The following TMTC4 variants were observed in gnomAD, a reference collection of about 807,000 sequenced individuals.
TMTC4 encodes the protein transmembrane O-mannosyltransferase targeting cadherins 4, also known as protein O-mannosyl-transferase TMTC4.
TMTC4 carries 65 observed loss-of-function variants against 86.0 expected under a neutral mutation model. That is an observed-to-expected ratio of 0.76 (90% CI 0.62 to 0.93). The LOEUF is 0.93. Among genes scored for constraint, TMTC4 ranks in the 40% least tolerant of loss-of-function variants. TMTC4 has a pLI of 0.00. For missense variants in TMTC4, 866 were observed against 948.1 expected (o/e 0.91, Z 1.14); for synonymous variants, 379 against 382.5 (o/e 0.99, Z 0.11).
rs1876289887 is a variant in TMTC4, at chr13:100,604,530, A to G, written c.*464T>C. ...ATGTTGTTTTAAAAAAAAGAGATAA[A>G]AAAACTTAATTTGCTTTGTCATTAA... On this transcript the variant is annotated 3_prime_UTR_variant, in exon 19 of 19. Coordinates refer to ENST00000342624, the MANE Select transcript of TMTC4 (RefSeq NM_032813.5). 6.6e-6 allele frequency: 1 copy of G among 152,334 alleles called. No individual in the cohort carries two copies. Among genetic ancestry groups the G allele is most frequent in the South Asian group, 2.1e-4 (1 of 4,840 alleles). The allele number at this position is 152,334 out of a possible 1,614,324, so 9.4% of individuals were successfully genotyped here. A position where few individuals can be genotyped will look rare whatever the true frequency, so the allele number is the denominator to read the frequency against.
In TMTC4 at chr13:100,617,311, A is replaced by AT. The variant is rs140898544; in HGVS notation, c.1837-2882dup. 5.2e-3 allele frequency among the ~76,000 whole-genome samples: 791 copies of AT among 151,692 alleles called. 5 individuals carry two copies. The highest frequency in any genetic ancestry group is 0.014 in the African/African-American group (568 of 41,374). On this transcript the variant is annotated intron_variant, in intron 15 of 18. Transcript: ENST00000342624. ...CACGATGCCCAGCTAATTTTTTTGG[A>AT]TTTTTTGTAGAGATTAAGTTTTGCC...
At chr13:100,660,013 A>G (rs1427798306) in intron 5 of TMTC4, among the ~76,000 whole-genome samples, 1 of 151,022 alleles carries the variant, frequency 6.6e-6, no homozygotes, top group Non-Finnish European at 1.5e-5. Flanking sequence ...CCTAAAACAT[A>G]TTAATATAAA....
chr13:100,663,225 G>T, intron 4 of TMTC4, 45 bp from the exon 5 acceptor site: 1 of 1,544,694 alleles, frequency 6.5e-7, no homozygotes. Context: ...AGCGGCATGC[G>T]GCAAGAAATG....
chr13:100,666,547 C>T (rs1037510263), intron 3 of TMTC4, among the ~76,000 whole-genome samples: 8 of 152,334 alleles, frequency 5.3e-5, no homozygotes, highest in Middle Eastern at 3.4e-3. Flanking sequence ...TCCTGGCTGA[C>T]CAACATTTTT....
upstream of TMTC4, chr13:100,674,850 A>G: frequency 2.1e-6 from 2 of 969,358 alleles, no homozygotes; most frequent in Non-Finnish European, 2.4e-6. Context: ...CCCGCCGCGC[A>G]CCCGACCCCC....
intron 2 of TMTC4, among the ~76,000 whole-genome samples, chr13:100,669,820 TG>T (rs1212801265): frequency 6.6e-6 from 1 of 152,150 alleles, no homozygotes; most frequent in Non-Finnish European, 1.5e-5. Flanking sequence ...GTGCTTTCTT[TG>T]GATTTACCAG....
intron 16 of TMTC4, 144 bp from the exon 17 acceptor site, chr13:100,612,654 TACAC>T (rs60782137): frequency 0.043 from 19,203 of 446,984 alleles, 251 homozygotes; most frequent in African/African-American, 0.063. Flanking sequence ...GATCATGTAA[TACAC>T]ACACACACAC....
intron 15 of TMTC4, among the ~76,000 whole-genome samples, chr13:100,617,085 G>A (rs1304746997): frequency 6.6e-6 from 1 of 151,876 alleles, no homozygotes; most frequent in Non-Finnish European, 1.5e-5. Flanking sequence ...TTCTTTCCCA[G>A]GGCTGATGTC....
intron 12 of TMTC4, among the ~76,000 whole-genome samples, chr13:100,630,983 T>C (rs1881279010): frequency 1.3e-5 from 2 of 152,178 alleles, no homozygotes. Flanking sequence ...GGGAATTCTT[T>C]GAATAAAAAA....
intron 18 of TMTC4, 118 bp downstream of exon 18, chr13:100,606,240 T>C (rs1594213911): frequency 1.2e-6 from 1 of 865,052 alleles, no homozygotes; most frequent in South Asian, 1.5e-5. Flanking sequence ...CAGAACCACA[T>C]TTTAAAGCCA....
At chr13:100,618,291 C>G (rs913559932) in intron 15 of TMTC4, among the ~76,000 whole-genome samples, 2 of 152,066 alleles carry the variant, frequency 1.3e-5, no homozygotes, top group Non-Finnish European at 2.9e-5. Flanking sequence ...AGAGAGATAG[C>G]TTGACTTCTT....
intron 1 of TMTC4, among the ~76,000 whole-genome samples, chr13:100,670,959 ACAACAAAGCC>A (rs1314448276): frequency 6.6e-6 from 1 of 152,262 alleles, no homozygotes; most frequent in African/African-American, 2.4e-5. Context: ...GTCTCAAACA[ACAACAAAGCC>A]CAACAAAGCC....
At chr13:100,632,049 ACACACTCT>A (rs1339797318) in intron 12 of TMTC4, among the ~76,000 whole-genome samples, 11 of 77,364 alleles carry the variant, frequency 1.4e-4, no homozygotes, top group Admixed American at 6.5e-4. Context: ...ACACACACAC[ACACACTCT>A]CTCTCTCTCT....
intron 1 of TMTC4, chr13:100,674,224 T>C (rs1232151059): frequency 1.0e-6 from 1 of 979,460 alleles, no homozygotes; most frequent in African/African-American, 1.8e-5. Flanking sequence ...CAGCCGAGCG[T>C]GGAGTAGCAG....
At chr13:100,621,647 G>T (rs916885469) in intron 15 of TMTC4, among the ~76,000 whole-genome samples, 3 of 152,116 alleles carry the variant, frequency 2.0e-5, no homozygotes, top group Non-Finnish European at 4.4e-5. Flanking sequence ...GGATGGTCTC[G>T]ATCTCCTGAC....
intron 3 of TMTC4, among the ~76,000 whole-genome samples, chr13:100,665,642 ATCT>A (rs773009985): frequency 6.6e-6 from 1 of 152,196 alleles, no homozygotes; most frequent in African/African-American, 2.4e-5. Context: ...TAATCAAATC[ATCT>A]TCTGAGCACC....
chr13:100,633,213 G>A (rs953470915), intron 12 of TMTC4, among the ~76,000 whole-genome samples: 1 of 151,136 alleles, frequency 6.6e-6, no homozygotes, highest in Non-Finnish European at 1.5e-5. Flanking sequence ...GGAGGCTGAG[G>A]CAGGAGAATC....
intron 1 of TMTC4, chr13:100,673,980 C>T: frequency 1.1e-5 from 11 of 969,764 alleles, no homozygotes; most frequent in Non-Finnish European, 1.3e-5. Context: ...GTGGCTAGAT[C>T]GTTCCTCTAA....
intron 12 of TMTC4, among the ~76,000 whole-genome samples, chr13:100,632,509 C>T (rs867617449): frequency 2.0e-5 from 3 of 152,120 alleles, no homozygotes; most frequent in South Asian, 2.1e-4. Flanking sequence ...GATCTATTAA[C>T]GTTTAAGAAA....
Sources: gnomAD v4.1 joint callset for allele counts (sites outside exome capture counted in the v4.1 genomes callset) on GRCh38, gnomAD v4.1.1 for gene constraint, MANE v1.5 for transcripts, NCBI Gene and HGNC (gene_info 2026-07-23, HGNC 2026-07-21) for gene names.